EXO1: variants seen among roughly 807,000 people sequenced by gnomAD.
EXO1 encodes the protein exonuclease 1.
EXO1 carries 69 observed loss-of-function variants against 84.5 expected under a neutral mutation model. That is an observed-to-expected ratio of 0.82 (90% CI 0.67 to 1.00). EXO1 has a LOEUF of 1.00. Ranked by LOEUF, EXO1 falls within the 50% of genes least tolerant of loss-of-function variation. EXO1 has a pLI of 0.00. For missense variants in EXO1, 1,045 were observed against 1,000.7 expected, an observed-to-expected ratio of 1.04 and a Z score of -0.60; for synonymous variants, 373 against 366.1, an observed-to-expected ratio of 1.02 and a Z score of -0.21.
At chr1:241,867,076 A>G (rs1661789520) in intron 11 of EXO1, 21 bp downstream of exon 11, 1 of 1,541,830 alleles carries the variant, frequency 6.5e-7, no homozygotes, top group African/African-American at 1.4e-5. Flanking sequence ...CAGTTTTGCA[A>G]AATGCTGGTG....
At chr1:241,864,060 T>C (rs1014667048) in intron 10 of EXO1, among the ~76,000 whole-genome samples, 1 of 152,218 alleles carries the variant, frequency 6.6e-6, no homozygotes, top group Non-Finnish European at 1.5e-5. Flanking sequence ...GCTGTGTACC[T>C]TTTTCCTGTG....
intron 14 of EXO1, among the ~76,000 whole-genome samples, chr1:241,883,399 C>T (rs951449624): frequency 6.6e-6 from 1 of 152,198 alleles, no homozygotes; most frequent in Non-Finnish European, 1.5e-5. Context: ...TGCCTTCTCG[C>T]TGTGTCCTTA....
At chr1:241,884,093 T>C (rs1279738683) in intron 14 of EXO1, among the ~76,000 whole-genome samples, 2 of 152,230 alleles carry the variant, frequency 1.3e-5, no homozygotes, top group Non-Finnish European at 2.9e-5. Flanking sequence ...AAAATTATAT[T>C]ATCTGCCACT....
intron 13 of EXO1, among the ~76,000 whole-genome samples, chr1:241,879,834 G>A (rs554250970): frequency 1.3e-5 from 2 of 152,050 alleles, no homozygotes; most frequent in South Asian, 2.1e-4. Context: ...GTGAAACCCT[G>A]TCTCTCCTAA....
At chr1:241,870,649 C>T (rs1662032602) in intron 11 of EXO1, among the ~76,000 whole-genome samples, 1 of 152,218 alleles carries the variant, frequency 6.6e-6, no homozygotes, top group South Asian at 2.1e-4. Flanking sequence ...GGTATAGTTA[C>T]ATTTTAAACT....
At chr1:241,888,468 C>T (rs1403123730) in intron 15 of EXO1, among the ~76,000 whole-genome samples, 1 of 152,148 alleles carries the variant, frequency 6.6e-6, no homozygotes, top group Non-Finnish European at 1.5e-5. Context: ...TAGCAACATC[C>T]ATGCAAGGGT....
chr1:241,876,193 A>C (rs1662392173), intron 12 of EXO1, among the ~76,000 whole-genome samples: 1 of 152,220 alleles, frequency 6.6e-6, no homozygotes, highest in Non-Finnish European at 1.5e-5. Flanking sequence ...CTAGAGAAAT[A>C]ATTTGTTTTC....
chr1:241,871,938 T>A, intron 11 of EXO1, 94 bp from the exon 12 acceptor site: 1 of 850,448 alleles, frequency 1.2e-6, no homozygotes, highest in Non-Finnish European at 1.9e-6. Context: ...TTAAAGTCCT[T>A]ATTTTTAGGA....
At position 241,858,955 on chromosome 1, in the gene EXO1, G is replaced by C. The variant is rs935872355; in HGVS notation, c.756+237G>C. ...TTTTTAAAACAAAGACTAGTATAAA[G>C]AGGCTCAAGGAGAAAATATTCTAGG... On this transcript the variant is annotated intron_variant, in intron 8 of 15. Transcript: ENST00000366548. 2.0e-5 allele frequency among the ~76,000 whole-genome samples: 3 copies of C among 152,154 alleles called. No individual in the cohort carries two copies. In the South Asian group the frequency reaches 6.2e-4, roughly 31 times the overall value.
rs766465530 is a variant in EXO1 at position 241,861,421 on chromosome 1, CATAGCTCTTCAA to C, written c.966_977del (p.Gln324_Leu327del). On this transcript the variant is annotated inframe_deletion, in exon 10 of 16. Transcript: ENST00000366548. Reference sequence around the variant, plus strand: ...GCTAATCTAGATATGTTGATGATTCCATAGCTCTTCAAATAGCACTTGGAAATAAAGATATAA... The same window carrying C: ...GCTAATCTAGATATGTTGATGATTCCATAGCACTTGGAAATAAAGATATAA... The C allele has an allele frequency of 6.5e-7, 1 of 1,536,546 alleles. No individual in the cohort carries two copies. The highest frequency in any genetic ancestry group is 9.0e-7 in the Non-Finnish European group (1 of 1,109,364).
intron 9 of EXO1, 21 bp downstream of exon 9, chr1:241,860,725 T>C: frequency 1.9e-5 from 30 of 1,580,524 alleles, no homozygotes; most frequent in Non-Finnish European, 2.5e-5. Flanking sequence ...TGAAACAGAA[T>C]GGTAGAATTT....
At chr1:241,868,077 C>CA (rs1661854154) in intron 11 of EXO1, among the ~76,000 whole-genome samples, 1 of 151,692 alleles carries the variant, frequency 6.6e-6, no homozygotes, top group Admixed American at 6.6e-5. Context: ...CCTGTCTCCA[C>CA]AAAAAAAATT....
At chr1:241,881,825 A>G in intron 13 of EXO1, 91 bp from the exon 14 acceptor site, 1 of 665,534 alleles carries the variant, frequency 1.5e-6, no homozygotes, top group East Asian at 2.8e-5. Flanking sequence ...GTTCTTATTT[A>G]TCTTCCATTT....
chr1:241,878,840 A>G lies in EXO1; in HGVS notation c.1606A>G (p.Asn536Asp), dbSNP rs750235989. 1 of 1,614,082 alleles carries G rather than the reference A, an allele frequency of 6.2e-7. No individual in the cohort carries two copies. Among genetic ancestry groups the G allele is most frequent in the Admixed American group, 1.7e-5 (1 of 60,022 alleles). The change falls in exon 13 of 16, where the codon AAT becomes GAT. Residue 536 changes from asparagine (N) to aspartate (D), a missense_variant. Physicochemically the swap from Asn to Asp is conservative, Grantham distance 23. Transcript: ENST00000366548. ...AACTGCTGTCACAGATAAAGAGAAC[A>G]ATCTGCATGAATCAGAGTATGGAGA... ...DETAVTDKEN[N>D]LHESEYGDQE...
At position 241,875,682 on chromosome 1, in the gene EXO1, T is replaced by G. The variant is rs150969364; in HGVS notation, c.1515-3067T>G. Among the ~76,000 whole-genome samples the G allele has an allele frequency of 6.5e-3, 994 of 152,160 alleles. 4 individuals are homozygous for G. The highest frequency in any genetic ancestry group is 0.011 in the Admixed American group (163 of 15,290). ...TCATGAGGTCAGGAGATCGAGACCA[T>G]CCTGGCTAACATGGTGAAACCCCAT... On this transcript the variant is annotated intron_variant, in intron 12 of 15. Transcript: ENST00000366548.
intron 11 of EXO1, among the ~76,000 whole-genome samples, chr1:241,869,196 T>C (rs1661931225): frequency 1.3e-5 from 2 of 152,220 alleles, no homozygotes; most frequent in African/African-American, 4.8e-5. Flanking sequence ...ACAGTGTATC[T>C]GATGTAAAGA....
chr1:241,849,876 T>C (rs1025003005), intron 3 of EXO1, among the ~76,000 whole-genome samples: 1 of 152,214 alleles, frequency 6.6e-6, no homozygotes, highest in Non-Finnish European at 1.5e-5. Flanking sequence ...TAAGCAACAG[T>C]CAAGTGGCAT....
intron 14 of EXO1, among the ~76,000 whole-genome samples, chr1:241,885,035 G>A (rs568883702): frequency 5.9e-5 from 9 of 151,818 alleles, no homozygotes; most frequent in South Asian, 2.1e-4. Flanking sequence ...GTGAAACGCC[G>A]TCTCTACTAA....
intron 13 of EXO1, among the ~76,000 whole-genome samples, chr1:241,880,243 C>T (rs2148516051): frequency 6.6e-6 from 1 of 152,300 alleles, no homozygotes; most frequent in East Asian, 1.9e-4. Flanking sequence ...CTGCTTCATA[C>T]TGCATCTTCT....
Sources: allele counts gnomAD v4.1 joint callset (sites outside exome capture counted in the v4.1 genomes callset), GRCh38; gene constraint gnomAD v4.1.1; transcripts MANE v1.5; gene names NCBI Gene and HGNC (gene_info 2026-07-23, HGNC 2026-07-21).